UPB1: variants seen among roughly 807,000 people sequenced by gnomAD.
UPB1 encodes the protein beta-ureidopropionase.
A neutral mutation model predicts 49.1 loss-of-function variants in UPB1; 40 were observed. That is an observed-to-expected ratio of 0.81 (90% CI 0.63 to 1.06). UPB1 has a LOEUF of 1.06. Ranked by LOEUF, UPB1 falls within the 50% of genes least tolerant of loss-of-function variation. The pLI, the probability that UPB1 is intolerant of heterozygous loss-of-function variation, is 0.00. For missense variants in UPB1, 499 were observed against 505.9 expected, an observed-to-expected ratio of 0.99 and a Z score of 0.13; for synonymous variants, 207 against 198.2, an observed-to-expected ratio of 1.04 and a Z score of -0.38.
At chr22:24,525,419 G>T (rs1270356945) in intron 9 of UPB1, among the ~76,000 whole-genome samples, 1 of 152,114 alleles carries the variant, frequency 6.6e-6, no homozygotes, top group Non-Finnish European at 1.5e-5. Flanking sequence ...TGCTCTTCTG[G>T]GGAGCAACAG....
chr22:24,501,500 AG>A (rs968247972), intron 2 of UPB1, among the ~76,000 whole-genome samples: 1 of 152,210 alleles, frequency 6.6e-6, no homozygotes, highest in Admixed American at 6.5e-5. Flanking sequence ...CCCGAAGGCC[AG>A]GGGATGCTGA....
chr22:24,510,423 G>C (rs915494739), intron 3 of UPB1, among the ~76,000 whole-genome samples: 3 of 152,108 alleles, frequency 2.0e-5, no homozygotes, highest in African/African-American at 7.2e-5. Context: ...TTACCTATCA[G>C]TTCATCTGTT....
chr22:24,513,335 C>G lies in UPB1; in HGVS notation c.471C>G (p.Asn157Lys). 1 of 1,614,172 alleles carries G rather than the reference C, an allele frequency of 6.2e-7. No homozygotes were observed. Among genetic ancestry groups the G allele is most frequent in the South Asian group, 1.1e-5 (1 of 91,072 alleles). ...TATCATTTTTCCAGCTGGCGAAGAA[C>G]CATGACATGGTGGTGGTGTCTCCCA... Reference protein sequence around the residue: ...TTRFCQKLAKNHDMVVVSPIL... With the variant: ...TTRFCQKLAKKHDMVVVSPIL... Residue 157 changes from asparagine (N) to lysine (K), a missense_variant, in exon 5 of 10, where the codon AAC (asparagine) becomes AAG (lysine). Coordinates refer to ENST00000326010, the MANE Select transcript of UPB1 (RefSeq NM_016327.3).
intron 9 of UPB1, among the ~76,000 whole-genome samples, chr22:24,524,074 C>T (rs955943423): frequency 5.3e-5 from 8 of 152,224 alleles, no homozygotes; most frequent in African/African-American, 1.7e-4. Context: ...TGGATTGGCT[C>T]CTCTAATCCT....
intron 3 of UPB1, among the ~76,000 whole-genome samples, chr22:24,505,012 A>G (rs2044064817): frequency 6.6e-6 from 1 of 151,294 alleles, no homozygotes; most frequent in Non-Finnish European, 1.5e-5. Context: ...AAATGCTGCA[A>G]CTATAGGCGT....
intron 1 of UPB1, among the ~76,000 whole-genome samples, chr22:24,497,054 CT>C (rs774291876): frequency 3.0e-4 from 45 of 152,262 alleles, no homozygotes; most frequent in Non-Finnish European, 2.6e-4. Flanking sequence ...TCTCTCCCCC[CT>C]ATCTCCCTTC....
At chr22:24,506,850 C>T (rs922049622) in intron 3 of UPB1, among the ~76,000 whole-genome samples, 5 of 152,144 alleles carry the variant, frequency 3.3e-5, no homozygotes, top group African/African-American at 1.2e-4. Context: ...TGGAACTCCC[C>T]CTCATTTATC....
intron 3 of UPB1, among the ~76,000 whole-genome samples, chr22:24,506,638 G>A (rs738814): frequency 0.48 from 73,123 of 151,994 alleles, 18,430 homozygotes; most frequent in Non-Finnish European, 0.56. Context: ...AGTTCATGTC[G>A]TTTTCCTATT....
intron 5 of UPB1, among the ~76,000 whole-genome samples, chr22:24,514,744 C>T (rs1435175678): frequency 6.6e-6 from 1 of 152,164 alleles, no homozygotes; most frequent in Non-Finnish European, 1.5e-5. Context: ...AGCTATGCCC[C>T]CTCAGGAAGC....
At chr22:24,505,054 T>C (rs1193448336) in intron 3 of UPB1, among the ~76,000 whole-genome samples, 1 of 152,122 alleles carries the variant, frequency 6.6e-6, no homozygotes, top group Non-Finnish European at 1.5e-5. Context: ...ACTTTGTCTT[T>C]TTGCTCAATT....
chr22:24,519,771 C>T (rs1310506640), intron 6 of UPB1: 1 of 155,340 alleles, frequency 6.4e-6, no homozygotes, highest in African/African-American at 2.4e-5. Context: ...CCTGAAATCA[C>T]CCGCTTTGGA....
Position 24,502,135 on chromosome 22 carries a change from C to A in UPB1, c.286C>A (p.Leu96Ile), listed in dbSNP as rs751120275. 5.0e-6 allele frequency: 8 copies of A among 1,614,054 alleles called. No individual in the cohort carries two copies. Among genetic ancestry groups the A allele is most frequent in the Non-Finnish European group, 6.8e-6 (8 of 1,180,048 alleles). ...NAPVAEQVSA[L>I]HRRIKAIVEV... ...CTTTTTAAATTCTCAGGTCTCTGCC[C>A]TTCATAGACGCATAAAGGCTATCGT... Residue 96 changes from leucine (L) to isoleucine (I), a missense_variant, in exon 3 of 10, where the codon CTT becomes ATT. By Grantham distance (5) the Leu-to-Ile change is conservative. Transcript: ENST00000326010.
intron 4 of UPB1, among the ~76,000 whole-genome samples, chr22:24,512,286 C>A (rs1187554113): frequency 6.6e-6 from 1 of 152,184 alleles, no homozygotes; most frequent in Non-Finnish European, 1.5e-5. Flanking sequence ...AGACACTCCG[C>A]CTCCACAGGG....
rs1036072627 is a variant in UPB1 at position 24,522,108 on chromosome 22, G to T, written c.916+80G>T. 9.2e-6 allele frequency: 14 copies of T among 1,527,580 alleles called. 1 individual carries two copies. In the Admixed American group the frequency reaches 2.5e-4, roughly 27 times the overall value. 94.6% of individuals were successfully genotyped at this position (1,527,580 alleles called of 1,614,324 possible). A position where few individuals can be genotyped will look rare whatever the true frequency, so the allele number is the denominator to read the frequency against. The stretch of plus-strand genomic sequence containing the variant: ...TTCTCTGTCTGCTTCCTCCAGTCAG[G>T]ATCTGCCACACAGATCACATCTGCA... On this transcript the variant is annotated intron_variant, in intron 8 of 9. Transcript: ENST00000326010.
intron 8 of UPB1, among the ~76,000 whole-genome samples, chr22:24,522,569 A>C (rs146964913): frequency 9.9e-5 from 15 of 152,054 alleles, no homozygotes; most frequent in African/African-American, 3.6e-4. Flanking sequence ...TGCCCCCCTC[A>C]CCAAGGAGGT....
chr22:24,523,802 T>A (rs1298967656), intron 9 of UPB1, 29 bp downstream of exon 9: 1 of 1,613,848 alleles, frequency 6.2e-7, no homozygotes, highest in South Asian at 1.1e-5. Flanking sequence ...TGTTGTTGCC[T>A]GCTCCTCTGC....
At chr22:24,525,458 C>G (rs1175299966) in intron 9 of UPB1, among the ~76,000 whole-genome samples, 5 of 152,218 alleles carry the variant, frequency 3.3e-5, no homozygotes, top group Non-Finnish European at 7.3e-5. Flanking sequence ...CTCCATCCTG[C>G]CTCAGCAGAC....
intron 3 of UPB1, among the ~76,000 whole-genome samples, chr22:24,506,669 A>G (rs888061301): frequency 6.6e-6 from 1 of 151,616 alleles, no homozygotes; most frequent in South Asian, 2.1e-4. Flanking sequence ...TTGTACTCTC[A>G]CTCTTCATTA....
chr22:24,497,557 G>A (rs565940910), intron 1 of UPB1, among the ~76,000 whole-genome samples: 203 of 152,310 alleles, frequency 1.3e-3, no homozygotes, highest in South Asian at 0.012. Context: ...GTGGGGCTAG[G>A]ATGGGAAGTG....
Sources: allele counts gnomAD v4.1 joint callset (sites outside exome capture counted in the v4.1 genomes callset), GRCh38; gene constraint gnomAD v4.1.1; transcripts MANE v1.5; gene names NCBI Gene and HGNC (gene_info 2026-07-23, HGNC 2026-07-21).